The following ACTR6 variants were observed in gnomAD, a reference collection of about 807,000 sequenced individuals.
ACTR6 encodes the protein actin related protein 6, also known as actin-related protein 6.
In ACTR6, 50 loss-of-function variants were observed where a neutral mutation model predicts 52.5. The ratio of observed to expected loss-of-function variants is 0.95; its 90% CI spans 0.76 to 1.20. The LOEUF (loss-of-function observed/expected upper bound fraction) is 1.20. ACTR6 is among the 50% of genes most tolerant of loss of function. The pLI, the probability that ACTR6 is intolerant of heterozygous loss-of-function variation, is 0.00. For missense variants in ACTR6, 344 were observed against 472.4 expected (o/e 0.73, Z 2.52); for synonymous variants, 135 against 147.2 (o/e 0.92, Z 0.60).
Position 100,224,003 on chromosome 12 carries a change from C to A in ACTR6, c.*88C>A, listed in dbSNP as rs1028946287. 2 of 1,427,758 alleles carry A rather than the reference C, an allele frequency of 1.4e-6. No homozygotes were observed. Among genetic ancestry groups the A allele is most frequent in the Admixed American group, 2.5e-5 (1 of 39,736 alleles). 88.4% of individuals were successfully genotyped at this position (1,427,758 alleles called of 1,614,324 possible). ...GTTAAGGAACTGTGTTACCTTTTGT[C>A]CTAAGAAAAAGGCTTGAATTTATGT... is the stretch of plus-strand genomic sequence containing the variant. On this transcript the variant is annotated 3_prime_UTR_variant, in exon 11 of 11. Transcript: ENST00000188312.
In ACTR6 at chr12:100,200,831, T is replaced by G; in HGVS notation, c.-21T>G. ...GTCGGAAAGGGAAAACAACTACGGC[T>G]GCGGTGTGGTTGGTGGTGAGATGAC... is the stretch of plus-strand genomic sequence containing the variant. On this transcript the variant is annotated 5_prime_UTR_variant, in exon 1 of 11. Transcript: ENST00000188312. The G allele has an allele frequency of 6.2e-7, 1 of 1,613,568 alleles. No individual in the cohort carries two copies. Among genetic ancestry groups the G allele is most frequent in the Non-Finnish European group, 8.5e-7 (1 of 1,179,544 alleles).
rs1157570971 is a variant in ACTR6 at position 100,200,939 on chromosome 12, G to A, written c.68+20G>A. 6.2e-7 allele frequency: 1 copy of A among 1,613,966 alleles called. No individual in the cohort carries two copies. Among genetic ancestry groups the A allele is most frequent in the Non-Finnish European group, 8.5e-7 (1 of 1,179,940 alleles). On this transcript the variant is annotated intron_variant, in intron 1 of 10. Transcript: ENST00000188312. ...TGTGTCGTAAGTACTTTCTTTCTCC[G>A]AGGGACAAGATATATACGCCTAGTG...
intron 1 of ACTR6, 77 bp downstream of exon 1, chr12:100,200,996 C>G (rs781754994): frequency 5.0e-6 from 8 of 1,608,974 alleles, no homozygotes; most frequent in Non-Finnish European, 6.8e-6. Flanking sequence ...CTCCGGACAT[C>G]AATGAACTGC....
intron 4 of ACTR6, chr12:100,208,053 T>G: frequency 3.4e-6 from 1 of 290,656 alleles, no homozygotes; most frequent in Non-Finnish European, 6.7e-6. Context: ...CCCAGCTACT[T>G]AGGAAGCTGA....
chr12:100,203,675 G>C (rs1171073266), intron 1 of ACTR6: 2 of 137,394 alleles, frequency 1.5e-5, no homozygotes, highest in East Asian at 4.1e-4. Context: ...TTTTGAGACG[G>C]AGTCTCGCTC....
Position 100,210,057 on chromosome 12 carries a change from A to T in ACTR6, c.380-16A>T. 1.3e-6 allele frequency: 2 copies of T among 1,557,650 alleles called. No homozygotes were observed. Among genetic ancestry groups the T allele is most frequent in the African/African-American group, 1.4e-5 (1 of 71,930 alleles). ...GTGTTATATTTTTGTTCACTTTTTT[A>T]TCTTTTTTTAAATAGCTGGGGCTCT... On this transcript the variant is annotated splice_polypyrimidine_tract_variant and intron_variant, in intron 4 of 10. Coordinates refer to ENST00000188312, the MANE Select transcript of ACTR6 (RefSeq NM_022496.5).
rs2096125832 is a variant in ACTR6, at chr12:100,218,834, T to C, written c.922+248T>C. ...CCATTTAAACTTGAAGAAATGTATCTCTCCATGAGCATTAAATTGCCATAT... is the reference window on the plus strand; with the variant it reads ...CCATTTAAACTTGAAGAAATGTATCCCTCCATGAGCATTAAATTGCCATAT... On this transcript the variant is annotated intron_variant, in intron 9 of 10. Transcript: ENST00000188312. The surrounding 1 kb of genome is among the most constrained non-coding windows in gnomAD (Gnocchi z 4.2). Among the ~76,000 whole-genome samples the C allele has an allele frequency of 6.6e-6, 1 of 152,106 alleles. No homozygotes were observed. The highest frequency in any genetic ancestry group is 1.5e-5 in the Non-Finnish European group (1 of 68,002).
chr12:100,210,493 T>C, intron 6 of ACTR6, 142 bp downstream of exon 6: 1 of 862,078 alleles, frequency 1.2e-6, no homozygotes, highest in Non-Finnish European at 1.7e-6. Context: ...CCGAGGTGGG[T>C]GCATCACTTG....
intron 8 of ACTR6, among the ~76,000 whole-genome samples, chr12:100,215,164 A>C (rs998744252): frequency 2.6e-5 from 4 of 152,186 alleles, no homozygotes; most frequent in East Asian, 3.9e-4. Context: ...AAAACAAAAC[A>C]AAACCTGTAT....
At chr12:100,201,761 A>G (rs1372718786) in intron 1 of ACTR6, among the ~76,000 whole-genome samples, 1 of 152,154 alleles carries the variant, frequency 6.6e-6, no homozygotes, top group Non-Finnish European at 1.5e-5. Flanking sequence ...AGCTGGGATT[A>G]TAGGCGTGCA....
chr12:100,209,844 C>T (rs994520154), intron 4 of ACTR6, among the ~76,000 whole-genome samples: 2 of 152,044 alleles, frequency 1.3e-5, no homozygotes, highest in Non-Finnish European at 2.9e-5. Context: ...GAATATTTAC[C>T]TTTAAAAACG....
chr12:100,223,860 G>C lies in ACTR6; in HGVS notation c.1136G>C (p.Arg379Thr). ...NDDFEDMVVT[R>T]EDYEENGHSV... ...GATTTTGAAGATATGGTGGTAACAAGAGAAGATTACGAAGAAAATGGACAT... is the reference window on the plus strand; with the variant it reads ...GATTTTGAAGATATGGTGGTAACAACAGAAGATTACGAAGAAAATGGACAT... The change falls in exon 11 of 11, where the codon AGA (arginine) becomes ACA (threonine). Residue 379 changes from arginine to threonine, a missense_variant. Transcript: ENST00000188312. 1.2e-6 allele frequency: 2 copies of C among 1,611,676 alleles called. No individual in the cohort carries two copies. The highest frequency in any genetic ancestry group is 1.7e-6 in the Non-Finnish European group (2 of 1,179,332).
chr12:100,224,123 C>T lies in ACTR6; in HGVS notation c.*208C>T, dbSNP rs1218203534. 2 of 422,408 alleles carry T rather than the reference C, an allele frequency of 4.7e-6. No individual in the cohort carries two copies. Among genetic ancestry groups the T allele is most frequent in the African/African-American group, 4.2e-5 (2 of 47,734 alleles). The allele number at this position is 422,408 out of a possible 1,614,324, so 26.2% of individuals were successfully genotyped here. On this transcript the variant is annotated 3_prime_UTR_variant, in exon 11 of 11. Coordinates refer to ENST00000188312, the MANE Select transcript of ACTR6 (RefSeq NM_022496.5). Reference sequence around the variant, plus strand: ...TCCACATTTTCATTTAGGAGCTAGACTACCATAACAATGCTTATGCTGTTT... The same window carrying T: ...TCCACATTTTCATTTAGGAGCTAGATTACCATAACAATGCTTATGCTGTTT...
In ACTR6 at chr12:100,212,507, A is replaced by T. The variant is rs762913141; in HGVS notation, c.729A>T (p.Thr243=). 1 of 1,613,682 alleles carries T rather than the reference A, an allele frequency of 6.2e-7. No homozygotes were observed. The highest frequency in any genetic ancestry group is 1.1e-5 in the South Asian group (1 of 91,078). ...ACTATGTCTTGCCTGACTTCAGTACAATTAAAAAGGGCTTTTGTAAGGTAA... is the reference window on the plus strand; with the variant it reads ...ACTATGTCTTGCCTGACTTCAGTACTATTAAAAAGGGCTTTTGTAAGGTAA... ...MIDYVLPDFS[T]IKKGFCKPRE... The change falls in exon 8 of 11, where the codon ACA becomes ACT. Residue 243 remains threonine, a synonymous_variant. Transcript: ENST00000188312.
At position 100,220,035 on chromosome 12, in the gene ACTR6, T is replaced by C. The variant is rs1031987451; in HGVS notation, c.950T>C (p.Ile317Thr). ...ATGCAGCCGCATTTTTTTAAGAACATTGTCTTGACAGGAGGAAATTCCCTT... is the reference window on the plus strand; with the variant it reads ...ATGCAGCCGCATTTTTTTAAGAACACTGTCTTGACAGGAGGAAATTCCCTT... The part of the protein sequence containing the change: ...EEMQPHFFKN[I>T]VLTGGNSLFP... Residue 317 changes from isoleucine to threonine, a missense_variant, in exon 10 of 11, where the codon ATT becomes ACT. Ile to Thr is a moderately conservative substitution (Grantham distance 89). Coordinates refer to ENST00000188312, the MANE Select transcript of ACTR6 (RefSeq NM_022496.5). 6.2e-7 allele frequency: 1 copy of C among 1,613,886 alleles called. No homozygotes were observed. The highest frequency in any genetic ancestry group is 8.5e-7 in the Non-Finnish European group (1 of 1,179,920).
intron 10 of ACTR6, among the ~76,000 whole-genome samples, chr12:100,222,116 G>A (rs1460715310): frequency 1.3e-5 from 2 of 151,846 alleles, no homozygotes; most frequent in Non-Finnish European, 2.9e-5. Flanking sequence ...CATCATGCCT[G>A]GCTAATTTTT....
chr12:100,210,357 G>A lies in ACTR6; in HGVS notation c.572+6G>A. 6.2e-7 allele frequency: 1 copy of A among 1,613,180 alleles called. No individual in the cohort carries two copies. Among genetic ancestry groups the A allele is most frequent in the Non-Finnish European group, 8.5e-7 (1 of 1,179,392 alleles). Reference sequence around the variant, plus strand: ...AAGGAGATCATATCTTACAGGTGATGCTTAGCTTTGATTCTTTGGGAGGAT... The same window carrying A: ...AAGGAGATCATATCTTACAGGTGATACTTAGCTTTGATTCTTTGGGAGGAT... On this transcript the variant is annotated splice_donor_region_variant and intron_variant, in intron 6 of 10. Coordinates refer to ENST00000188312, the MANE Select transcript of ACTR6 (RefSeq NM_022496.5).
chr12:100,206,506 G>A (rs1304912498), intron 3 of ACTR6, among the ~76,000 whole-genome samples: 1 of 151,042 alleles, frequency 6.6e-6, no homozygotes, highest in Non-Finnish European at 1.5e-5. Context: ...ACATCTGCAA[G>A]TTTTTTTTTA....
At chr12:100,209,647 CCTAA>C (rs2096118222) in intron 4 of ACTR6, among the ~76,000 whole-genome samples, 1 of 152,202 alleles carries the variant, frequency 6.6e-6, no homozygotes, top group Non-Finnish European at 1.5e-5. Context: ...TCTGGTACTT[CCTAA>C]CTGTGTGGCT....
Sources: allele counts gnomAD v4.1 joint callset (sites outside exome capture counted in the v4.1 genomes callset), GRCh38; gene constraint gnomAD v4.1.1; non-coding constraint Gnocchi (gnomAD v3.1); transcripts MANE v1.5; gene names NCBI Gene and HGNC (gene_info 2026-07-23, HGNC 2026-07-21).